TBX19: variants seen among roughly 807,000 people sequenced by gnomAD.
The protein encoded by TBX19 is T-box transcription factor 19.
In TBX19, 33 loss-of-function variants were observed where a neutral mutation model predicts 40.9. The ratio of observed to expected loss-of-function variants is 0.81; its 90% CI spans 0.61 to 1.08. The LOEUF is 1.08. TBX19 is among the 50% of genes least tolerant of loss of function. TBX19 has a pLI of 0.00. For missense variants in TBX19, 494 were observed against 574.0 expected, an observed-to-expected ratio of 0.86 and a Z score of 1.42; for synonymous variants, 220 against 225.0, an observed-to-expected ratio of 0.98 and a Z score of 0.20.
At chr1:168,295,647 C>T (rs542964718) in intron 3 of TBX19, among the ~76,000 whole-genome samples, 63 of 152,294 alleles carry the variant, frequency 4.1e-4, no homozygotes, top group African/African-American at 1.4e-3. Context: ...GCCAGTCTTT[C>T]GATGATAAAG....
chr1:168,310,297 C>CA (rs35774547), intron 7 of TBX19, among the ~76,000 whole-genome samples: 3,936 of 121,070 alleles, frequency 0.033, 94 homozygotes, highest in South Asian at 0.15. Flanking sequence ...ACTCTGCCTC[C>CA]AAAAAAAAAA....
chr1:168,292,218 A>C (rs1648959081), intron 2 of TBX19, among the ~76,000 whole-genome samples: 1 of 152,132 alleles, frequency 6.6e-6, no homozygotes, highest in Non-Finnish European at 1.5e-5. Context: ...ATAGGAGTTC[A>C]TGTGTCCAGA....
chr1:168,292,311 C>T (rs753065095), intron 2 of TBX19, among the ~76,000 whole-genome samples: 4 of 152,118 alleles, frequency 2.6e-5, no homozygotes, highest in Non-Finnish European at 4.4e-5. Flanking sequence ...TTGTTACTGC[C>T]TACCAGATTT....
intron 6 of TBX19, among the ~76,000 whole-genome samples, chr1:168,307,765 G>A (rs1019641284): frequency 1.3e-5 from 2 of 151,902 alleles, no homozygotes; most frequent in Non-Finnish European, 2.9e-5. Flanking sequence ...TATATTCAAG[G>A]TGTACAACAT....
At position 168,291,271 on chromosome 1, in the gene TBX19, CG is replaced by C. The variant is rs1648932536; in HGVS notation, c.319del (p.Glu107AsnfsTer30). ...ACAGTCACCGCTGGAAGTACGTCAA[CG>C]GGGAATGGGTGCCCGCTGGCAAGCC... ...TDSHRWKYVN[G>X]EWVPAGKPEV... On this transcript the variant is annotated frameshift_variant, in exon 2 of 8. Transcript: ENST00000367821. LOFTEE classifies it high-confidence loss of function. 1 of 1,614,240 alleles carries C rather than the reference CG, an allele frequency of 6.2e-7. No homozygotes were observed. The highest frequency in any genetic ancestry group is 8.5e-7 in the Non-Finnish European group (1 of 1,180,048).
chr1:168,310,350 T>C (rs1441731153), intron 7 of TBX19, among the ~76,000 whole-genome samples: 1 of 151,664 alleles, frequency 6.6e-6, no homozygotes, highest in African/African-American at 2.4e-5. Context: ...TTGTGATTTG[T>C]AAGTCCAGAA....
intron 1 of TBX19, among the ~76,000 whole-genome samples, chr1:168,285,673 G>T (rs1007781087): frequency 6.6e-6 from 1 of 152,150 alleles, no homozygotes; most frequent in Admixed American, 6.5e-5. Flanking sequence ...TTCTCTCCAG[G>T]GTGGATTAAG....
intron 5 of TBX19, among the ~76,000 whole-genome samples, chr1:168,303,110 T>C (rs937809732): frequency 6.6e-6 from 1 of 152,230 alleles, no homozygotes; most frequent in Non-Finnish European, 1.5e-5. Flanking sequence ...GTTACATATG[T>C]ATACATGTGC....
chr1:168,311,069 A>G (rs1174012080), intron 7 of TBX19, among the ~76,000 whole-genome samples: 1 of 152,018 alleles, frequency 6.6e-6, no homozygotes. Context: ...ACGCTGATCT[A>G]GAGGATCATT....
intron 7 of TBX19, among the ~76,000 whole-genome samples, chr1:168,309,450 T>TA (rs1235127756): frequency 6.6e-6 from 1 of 152,058 alleles, no homozygotes; most frequent in African/African-American, 2.4e-5. Flanking sequence ...CAGTCAGAAA[T>TA]ACTTTAAACT....
chr1:168,298,575 G>A (rs931115368), intron 4 of TBX19, among the ~76,000 whole-genome samples: 10 of 152,150 alleles, frequency 6.6e-5, no homozygotes, highest in African/African-American at 2.4e-4. Flanking sequence ...CTTCGGGGCA[G>A]CGACCTGCCA....
intron 3 of TBX19, among the ~76,000 whole-genome samples, chr1:168,295,014 C>T (rs1166478966): frequency 1.3e-5 from 2 of 152,000 alleles, no homozygotes; most frequent in East Asian, 1.9e-4. Flanking sequence ...AGATCTTGGC[C>T]GGACGTGGTG....
intron 5 of TBX19, 102 bp downstream of exon 5, chr1:168,300,585 C>G: frequency 9.0e-7 from 1 of 1,105,322 alleles, no homozygotes. Flanking sequence ...TTAAGGACTT[C>G]CAAATCAAAA....
chr1:168,305,120 G>C lies in TBX19; in HGVS notation c.840G>C (p.Glu280Asp). Residue 280 changes from glutamate (E) to aspartate (D), a missense_variant, in exon 6 of 8, where the codon GAG becomes GAC. Glu to Asp is a conservative substitution (Grantham distance 45, BLOSUM62 2). Around this residue, in one of 3 missense-constraint regions of TBX19, gnomAD observed 284 missense variants for 307.3 expected, o/e 0.92. Coordinates refer to ENST00000367821, the MANE Select transcript of TBX19 (RefSeq NM_005149.3). ...CTCCCCACACCCACCATGGCTGTGA[G>C]CACTATTCGGGTCTCCGAGGACACC... ...LPAPHTHHGC[E>D]HYSGLRGHRQ... The C allele has an allele frequency of 2.5e-6, 4 of 1,614,102 alleles. No individual in the cohort carries two copies. Among genetic ancestry groups the C allele is most frequent in the Non-Finnish European group, 3.4e-6 (4 of 1,180,038 alleles).
chr1:168,294,347 T>C (rs1220923368), intron 3 of TBX19, among the ~76,000 whole-genome samples: 1 of 152,082 alleles, frequency 6.6e-6, no homozygotes, highest in Non-Finnish European at 1.5e-5. Context: ...TCTTTTTTTT[T>C]TTTGAGACAG....
At chr1:168,306,685 C>A (rs1649412623) in intron 6 of TBX19, among the ~76,000 whole-genome samples, 1 of 145,586 alleles carries the variant, frequency 6.9e-6, no homozygotes, top group African/African-American at 2.5e-5. Context: ...CGGGGTTACA[C>A]AAATACGTAA....
chr1:168,290,823 T>G (rs1328821489), intron 1 of TBX19, among the ~76,000 whole-genome samples: 3 of 152,196 alleles, frequency 2.0e-5, no homozygotes, highest in African/African-American at 7.2e-5. Context: ...GAAGGGCTGG[T>G]CAGTGGCATC....
At chr1:168,288,701 T>G (rs1215947287) in intron 1 of TBX19, among the ~76,000 whole-genome samples, 1 of 152,202 alleles carries the variant, frequency 6.6e-6, no homozygotes, top group Non-Finnish European at 1.5e-5. Flanking sequence ...ATATATTATA[T>G]GTTTTATGAG....
Position 168,291,357 on chromosome 1 carries a change from A to G in TBX19, c.401A>G (p.His134Arg). Residue 134 changes from histidine (H) to arginine (R), a missense_variant, in exon 2 of 8, where the codon CAC becomes CGC. Coordinates refer to ENST00000367821, the MANE Select transcript of TBX19 (RefSeq NM_005149.3). Reference sequence around the variant, plus strand: ...CCGGACTCCCCCAACTTTGGGGCCCACTGGATGAAAGCTCCCATCTCCTTC... The same window carrying G: ...CCGGACTCCCCCAACTTTGGGGCCCGCTGGATGAAAGCTCCCATCTCCTTC... ...IHPDSPNFGA[H>R]WMKAPISFSK... is the part of the protein sequence containing the mutation. 1 of 1,614,170 alleles carries G rather than the reference A, an allele frequency of 6.2e-7. No individual in the cohort carries two copies. Among genetic ancestry groups the G allele is most frequent in the Non-Finnish European group, 8.5e-7 (1 of 1,180,026 alleles).
Sources: allele counts gnomAD v4.1 joint callset (sites outside exome capture counted in the v4.1 genomes callset), GRCh38; gene constraint gnomAD v4.1.1; regional missense constraint gnomAD v4.1.1; transcripts MANE v1.5; gene names NCBI Gene and HGNC (gene_info 2026-07-23, HGNC 2026-07-21).